ISCU: variants seen among roughly 807,000 people sequenced by gnomAD.
ISCU encodes the protein iron-sulfur cluster assembly enzyme ISCU.
ISCU carries 13 observed loss-of-function variants against 18.4 expected under a neutral mutation model. That is an observed-to-expected ratio of 0.71 (90% CI 0.46 to 1.12). The LOEUF is 1.12. Among genes scored for constraint, ISCU ranks in the 50% most tolerant of loss-of-function variants. ISCU has a pLI of 0.00. For synonymous variants in ISCU, 104 were observed against 87.5 expected, an observed-to-expected ratio of 1.19 and a Z score of -1.06; for missense variants, 229 against 208.7, an observed-to-expected ratio of 1.10 and a Z score of -0.60.
chr12:108,568,613 T>C, intron 4 of ISCU: 4 of 1,416,758 alleles, frequency 2.8e-6, no homozygotes, highest in Non-Finnish European at 3.7e-6. Flanking sequence ...GGATCACAGA[T>C]TTTTAACCCT....
chr12:108,567,307 T>C (rs769828440), intron 4 of ISCU, 39 bp downstream of exon 4: 1 of 1,528,592 alleles, frequency 6.5e-7, no homozygotes, highest in South Asian at 1.1e-5. Flanking sequence ...CTGGGACATT[T>C]GGCAGTAATT....
Position 108,568,917 on chromosome 12 carries a change from G to A in ISCU, c.*1G>A. On this transcript the variant is annotated 3_prime_UTR_variant, in exon 5 of 5. Coordinates refer to ENST00000311893, the MANE Select transcript of ISCU (RefSeq NM_213595.4). Reference sequence around the variant, plus strand: ...AAAAGGAGAGGCAGAGAAGAAATGAGCCCTCCCTCGGCGAAGCCTCCAGCA... The same window carrying A: ...AAAAGGAGAGGCAGAGAAGAAATGAACCCTCCCTCGGCGAAGCCTCCAGCA... 1 of 1,609,230 alleles carries A rather than the reference G, an allele frequency of 6.2e-7. No individual in the cohort carries two copies. Among genetic ancestry groups the A allele is most frequent in the Non-Finnish European group, 8.5e-7 (1 of 1,177,732 alleles).
intron 4 of ISCU, chr12:108,568,606 T>A: frequency 7.1e-7 from 1 of 1,410,680 alleles, no homozygotes; most frequent in Non-Finnish European, 9.2e-7. Flanking sequence ...TAGCCTGGGA[T>A]CACAGATTTT....
Position 108,564,311 on chromosome 12 carries a change from G to A in ISCU, c.147G>A (p.Val49=), listed in dbSNP as rs1592790178. 6.2e-7 allele frequency: 1 copy of A among 1,613,996 alleles called. No homozygotes were observed. Among genetic ancestry groups the A allele is most frequent in the Admixed American group, 1.7e-5 (1 of 60,016 alleles). The change falls in exon 2 of 5, where the codon GTG becomes GTA. Residue 49 remains valine, a synonymous_variant. Coordinates refer to ENST00000311893, the MANE Select transcript of ISCU (RefSeq NM_213595.4). Reference sequence around the variant, plus strand: ...ATCATTATGAAAATCCTAGAAACGTGGGGTCCCTTGACAAGACATCTAAAA... The same window carrying A: ...ATCATTATGAAAATCCTAGAAACGTAGGGTCCCTTGACAAGACATCTAAAA... The part of the protein sequence containing the change: ...VVDHYENPRN[V]GSLDKTSKNV...
chr12:108,564,942 A>G, intron 2 of ISCU: 1 of 283,552 alleles, frequency 3.5e-6, no homozygotes, highest in Non-Finnish European at 6.7e-6. Context: ...TGCCCAAGAA[A>G]AAAGTATTAA....
At position 108,569,133 on chromosome 12, in the gene ISCU, C is replaced by T; in HGVS notation, c.*217C>T. ...TTCAGCCCACTTTTATCGCCTTAAC[C>T]TAGTTAATGTATATTTTGAATTGTG... On this transcript the variant is annotated 3_prime_UTR_variant, in exon 5 of 5. Transcript: ENST00000311893. The T allele has an allele frequency of 3.5e-6, 2 of 571,846 alleles. No homozygotes were observed. The highest frequency in any genetic ancestry group is 2.0e-5 in the South Asian group (1 of 49,712). 35.4% of individuals were successfully genotyped at this position (571,846 alleles called of 1,614,324 possible).
At position 108,569,002 on chromosome 12, in the gene ISCU, C is replaced by T. The variant is rs1243524986; in HGVS notation, c.*86C>T. On this transcript the variant is annotated 3_prime_UTR_variant, in exon 5 of 5. Coordinates refer to ENST00000311893, the MANE Select transcript of ISCU (RefSeq NM_213595.4). ...CACCTTAGATGTTCAGAAGCCGCTTCCTCTCCACTGAAGAGCTATGAGATA... is the reference window on the plus strand; with the variant it reads ...CACCTTAGATGTTCAGAAGCCGCTTTCTCTCCACTGAAGAGCTATGAGATA... 9.0e-6 allele frequency: 10 copies of T among 1,115,674 alleles called. No homozygotes were observed. In the Admixed American group the frequency reaches 9.9e-5, roughly 11 times the overall value. 69.1% of individuals were successfully genotyped at this position (1,115,674 alleles called of 1,614,324 possible). A position where few individuals can be genotyped will look rare whatever the true frequency, so the allele number is the denominator to read the frequency against.
In ISCU at chr12:108,567,256, C is replaced by G; in HGVS notation, c.406C>G (p.Leu136Val). 4 of 1,613,390 alleles carry G rather than the reference C, an allele frequency of 2.5e-6. No homozygotes were observed. Among genetic ancestry groups the G allele is most frequent in the Non-Finnish European group, 3.4e-6 (4 of 1,179,334 alleles). The change falls in exon 4 of 5, where the codon CTG becomes GTG. Residue 136 changes from leucine to valine, a missense_variant. Leu to Val is a conservative substitution (Grantham distance 32, BLOSUM62 1). Coordinates refer to ENST00000311893, the MANE Select transcript of ISCU (RefSeq NM_213595.4). ...AKELCLPPVK[L>V]HCSMLAEDAI... ...GGAGCTCTGCCTTCCTCCCGTGAAA[C>G]TGCACTGCTCCAGTAAGTCTCTGCT...
intron 1 of ISCU, 148 bp downstream of exon 1, chr12:108,562,884 C>G (rs1402367233): frequency 7.0e-6 from 3 of 431,192 alleles, no homozygotes; most frequent in Non-Finnish European, 8.0e-6. Context: ...CGCAGTGAGG[C>G]TCACTGCAAC....
At chr12:108,568,003 G>C (rs1278692110) in intron 4 of ISCU, 5 of 1,531,494 alleles carry the variant, frequency 3.3e-6, no homozygotes, top group Non-Finnish European at 2.6e-6. Context: ...CAGAGAGTCA[G>C]GCCTCTTGCC....
In ISCU at chr12:108,567,746, A is replaced by G. The variant is rs908533002; in HGVS notation, c.418+478A>G. The stretch of plus-strand genomic sequence containing the variant: ...TTTCTTCACTTCCTGTCTGGATGGT[A>G]TTCCTGTCGGGGTCTGCATCTGTAT... On this transcript the variant is annotated intron_variant, in intron 4 of 4. Transcript: ENST00000311893. 5.9e-6 allele frequency: 9 copies of G among 1,535,730 alleles called. No individual in the cohort carries two copies. The African/African-American group carries it at 9.6e-5, about 16-fold the overall frequency.
chr12:108,564,444 A>G (rs760136293), intron 2 of ISCU, 52 bp downstream of exon 2: 799 of 1,265,740 alleles, frequency 6.3e-4, no homozygotes, highest in Non-Finnish European at 8.8e-4. Context: ...TAAGTTTACA[A>G]AGCACTTGCG....
chr12:108,567,353 A>G (rs1325324960), intron 4 of ISCU, 85 bp downstream of exon 4: 11 of 1,117,486 alleles, frequency 9.8e-6, no homozygotes, highest in Admixed American at 1.7e-5. Context: ...TAGATCATGG[A>G]GCCCACGTTT....
At chr12:108,566,004 C>T (rs188566862) in intron 3 of ISCU, among the ~76,000 whole-genome samples, 31 of 152,358 alleles carry the variant, frequency 2.0e-4, no homozygotes, top group Admixed American at 1.8e-3. Flanking sequence ...GTGTCTTTCC[C>T]TGGTAGCTGC....
At chr12:108,568,788 T>C (rs1427181973) in intron 4 of ISCU, 43 bp from the exon 5 acceptor site, 2 of 1,590,772 alleles carry the variant, frequency 1.3e-6, no homozygotes. Context: ...TCCATTTCTT[T>C]CACATCTAGA....
rs587780954 is a variant in ISCU at position 108,562,636 on chromosome 12, G to A, written c.14G>A (p.Gly5Glu). The change falls in exon 1 of 5, where the codon GGG becomes GAG. Residue 5 changes from glycine to glutamate, a missense_variant. By Grantham distance (98) the Gly-to-Glu change is moderately conservative. Coordinates refer to ENST00000311893, the MANE Select transcript of ISCU (RefSeq NM_213595.4). The stretch of plus-strand genomic sequence containing the variant: ...CAAGCCGGCAAGATGGCGGCGGCTG[G>A]GGCTTTCCGTCTGAGGCGGGCGGCA... MAAA[G>E]AFRLRRAASA... 6.8e-7 allele frequency: 1 copy of A among 1,479,658 alleles called. No individual in the cohort carries two copies. The highest frequency in any genetic ancestry group is 8.9e-7 in the Non-Finnish European group (1 of 1,122,646). 91.7% of individuals were successfully genotyped at this position (1,479,658 alleles called of 1,614,324 possible). A position where few individuals can be genotyped will look rare whatever the true frequency, so the allele number is the denominator to read the frequency against.
intron 1 of ISCU, chr12:108,563,890 A>T (rs1414718168): frequency 1.6e-6 from 1 of 633,238 alleles, no homozygotes; most frequent in East Asian, 2.8e-5. Context: ...GGCCATGGTT[A>T]TTTTTAGAAT....
chr12:108,564,143 C>A (rs1044888179), intron 1 of ISCU, 136 bp from the exon 2 acceptor site: 18 of 1,611,070 alleles, frequency 1.1e-5, no homozygotes, highest in Admixed American at 5.0e-5. Context: ...TGAGTGTAGA[C>A]CTTTCTACTC....
intron 2 of ISCU, 23 bp from the exon 3 acceptor site, chr12:108,565,298 C>T: frequency 6.3e-7 from 1 of 1,584,164 alleles, no homozygotes. Flanking sequence ...GGACTCACCA[C>T]TTAACTCTTG....
Sources: allele counts gnomAD v4.1 joint callset (sites outside exome capture counted in the v4.1 genomes callset), GRCh38; gene constraint gnomAD v4.1.1; transcripts MANE v1.5; gene names NCBI Gene and HGNC (gene_info 2026-07-23, HGNC 2026-07-21).